ZFP64: variants seen among roughly 807,000 people sequenced by gnomAD.
ZFP64 encodes the protein zinc finger protein 64.
A neutral mutation model predicts 51.6 loss-of-function variants in ZFP64; 14 were observed. The observed-to-expected ratio is 0.27, with a 90% CI of 0.18 to 0.42. ZFP64 has a LOEUF of 0.42. Ranked by LOEUF, ZFP64 falls within the 10% of genes least tolerant of loss-of-function variation. The pLI, the probability that ZFP64 is intolerant of heterozygous loss-of-function variation, is 1.00. For missense variants in ZFP64, 754 were observed against 906.8 expected (o/e 0.83, Z 2.16); for synonymous variants, 375 against 361.4 (o/e 1.04, Z -0.43).
At chr20:52,104,393 T>G (rs542301916) in intron 5 of ZFP64, among the ~76,000 whole-genome samples, 1 of 152,176 alleles carries the variant, frequency 6.6e-6, no homozygotes, top group Non-Finnish European at 1.5e-5. Context: ...CTACATCCTG[T>G]GTCCACGTGG....
chr20:52,085,065 C>T lies in ZFP64; in HGVS notation c.1430G>A (p.Arg477Gln), dbSNP rs199769231. Residue 477 changes from arginine (R) to glutamine (Q), a missense_variant, in exon 9 of 9, where the codon CGG becomes CAG. Coordinates refer to the ZFP64 transcript ENST00000361387. This position sits in a 1 kb window ranked among gnomAD's most constrained non-coding sequence, Gnocchi z 4.3. ...GTGCTCCAGGAGGTCAGCCCGGTCC[C>T]GGCCCTGGAAGGCACAGTGCAGACA... 5.8e-5 allele frequency: 93 copies of T among 1,614,232 alleles called. No individual in the cohort carries two copies. The highest frequency in any genetic ancestry group is 6.9e-5 in the Non-Finnish European group (82 of 1,180,032).
At chr20:52,084,499 G>C in exon 9 of ZFP64, 19 of 1,521,008 alleles carry the variant, frequency 1.2e-5, no homozygotes, top group Non-Finnish European at 1.7e-5. Flanking sequence ...CACCTCTGGA[G>C]GGCTGGGCAA....
chr20:52,129,792 C>G (rs528668940), intron 5 of ZFP64, among the ~76,000 whole-genome samples: 43 of 152,186 alleles, frequency 2.8e-4, no homozygotes, highest in Non-Finnish European at 5.9e-4. Context: ...GCCTGTCTGC[C>G]TAACTAGACT....
chr20:52,118,041 T>A (rs1447478634), intron 5 of ZFP64, among the ~76,000 whole-genome samples: 1 of 152,008 alleles, frequency 6.6e-6, no homozygotes, highest in Non-Finnish European at 1.5e-5. Context: ...CAAGCAATCC[T>A]CCTGCCCAGA....
chr20:52,098,573 C>T (rs1384853414), exon 6 of ZFP64: 1 of 1,614,012 alleles, frequency 6.2e-7, no homozygotes, highest in African/African-American at 1.3e-5. Flanking sequence ...GGAACATCAT[C>T]ATCAAGTTCT....
chr20:52,153,862 C>T lies in ZFP64; in HGVS notation c.764-434G>A, dbSNP rs965096122. Among the ~76,000 whole-genome samples, 2 of 152,152 alleles carry T rather than the reference C, an allele frequency of 1.3e-5. No homozygotes were observed. The highest frequency in any genetic ancestry group is 2.9e-5 in the Non-Finnish European group (2 of 68,028). On this transcript the variant is annotated intron_variant, in intron 5 of 5. Transcript: ENST00000216923. This position sits in a 1 kb window ranked among gnomAD's most constrained non-coding sequence, Gnocchi z 5.1. ...TTCAACAATATATTTTCGAATGGGT[C>T]AGCTCCGTGCTGCACTCATTGGAGT...
At chr20:52,106,752 T>A (rs1437362581) in intron 5 of ZFP64, among the ~76,000 whole-genome samples, 4 of 152,206 alleles carry the variant, frequency 2.6e-5, no homozygotes, top group African/African-American at 9.6e-5. Context: ...ACGCTTCAAG[T>A]CTTCTTTGGG....
At chr20:52,093,713 GCTC>G (rs2078954358) in intron 7 of ZFP64, among the ~76,000 whole-genome samples, 1 of 152,182 alleles carries the variant, frequency 6.6e-6, no homozygotes, top group African/African-American at 2.4e-5. Context: ...CTAGCCACTA[GCTC>G]CTGACATTAA....
intron 7 of ZFP64, among the ~76,000 whole-genome samples, chr20:52,093,377 TGA>T (rs2078950189): frequency 6.6e-6 from 1 of 152,158 alleles, no homozygotes; most frequent in Non-Finnish European, 1.5e-5. Context: ...TGACCTCAGG[TGA>T]TCTGCCTGCC....
At chr20:52,134,425 T>C (rs541999465) in intron 5 of ZFP64, among the ~76,000 whole-genome samples, 1 of 152,302 alleles carries the variant, frequency 6.6e-6, no homozygotes, top group South Asian at 2.1e-4. Context: ...AGCAGGGGGT[T>C]ATTAAGATAT....
intron 2 of ZFP64, among the ~76,000 whole-genome samples, chr20:52,166,346 G>C (rs1982273111): frequency 6.6e-6 from 1 of 152,160 alleles, no homozygotes. Flanking sequence ...GTATATGCTG[G>C]AGTGATGATG....
At chr20:52,088,530 C>T (rs2078888617) in exon 8 of ZFP64, 1 of 1,614,060 alleles carries the variant, frequency 6.2e-7, no homozygotes, top group Non-Finnish European at 8.5e-7. Context: ...GCAGCGTAGT[C>T]ACACAGGTGA....
Position 52,191,106 on chromosome 20 carries a change from C to T in ZFP64, c.46+485G>A, listed in dbSNP as rs1431071231. Among the ~76,000 whole-genome samples, 1 of 152,170 alleles carries T rather than the reference C, an allele frequency of 6.6e-6. No individual in the cohort carries two copies. Among genetic ancestry groups the T allele is most frequent in the Non-Finnish European group, 1.5e-5 (1 of 68,028 alleles). On this transcript the variant is annotated intron_variant, in intron 1 of 5. Coordinates refer to ENST00000216923, the MANE Select transcript of ZFP64 (RefSeq NM_018197.3). The surrounding 1 kb of genome is among the most constrained non-coding windows in gnomAD (Gnocchi z 4.3). ...GCCCCGTTTTCCATTCAGATCTCCA[C>T]CCTTAATGAGGAAAAGGCTTTGCAA...
chr20:52,168,272 G>A (rs1290195296), intron 2 of ZFP64, among the ~76,000 whole-genome samples: 3 of 152,146 alleles, frequency 2.0e-5, no homozygotes, highest in Admixed American at 6.5e-5. Flanking sequence ...GAAAGATTCA[G>A]ACAAACTGAT....
At position 52,157,739 on chromosome 20, in the gene ZFP64, T is replaced by A. The variant is rs1461136753; in HGVS notation, c.763+2384A>T. ...AGAACGTGCAGGTTTGTTACACAGG[T>A]ACACACGTGCCATGGTGGTTTGCTG... On this transcript the variant is annotated intron_variant, in intron 5 of 5. Coordinates refer to ENST00000216923, the MANE Select transcript of ZFP64 (RefSeq NM_018197.3). Among the ~76,000 whole-genome samples the A allele has an allele frequency of 1.3e-5, 2 of 152,214 alleles. 1 individual carries two copies. Among genetic ancestry groups the A allele is most frequent in the East Asian group, 3.9e-4 (2 of 5,192 alleles).
intron 5 of ZFP64, among the ~76,000 whole-genome samples, chr20:52,142,364 T>TCACACA (rs1326395266): frequency 1.4e-5 from 1 of 73,858 alleles, no homozygotes; most frequent in Non-Finnish European, 2.8e-5. Context: ...TGAGACTTCA[T>TCACACA]CACACACACA....
At chr20:52,121,076 T>A (rs1826911014) in intron 5 of ZFP64, among the ~76,000 whole-genome samples, 1 of 152,204 alleles carries the variant, frequency 6.6e-6, no homozygotes, top group Non-Finnish European at 1.5e-5. Flanking sequence ...GTTGTGTGTG[T>A]TCTGACTGCT....
intron 5 of ZFP64, chr20:52,117,784 T>C: frequency 2.4e-6 from 1 of 419,550 alleles, no homozygotes; most frequent in Admixed American, 2.9e-5. Flanking sequence ...TAAATTACAT[T>C]TTATGATTAT....
At chr20:52,189,492 T>TG (rs1258900061) in intron 1 of ZFP64, among the ~76,000 whole-genome samples, 7 of 152,092 alleles carry the variant, frequency 4.6e-5, no homozygotes, top group African/African-American at 1.7e-4. Flanking sequence ...TTTTTTTTTT[T>TG]GAGATGGAGT....
Sources: allele counts gnomAD v4.1 joint callset (sites outside exome capture counted in the v4.1 genomes callset), GRCh38; gene constraint gnomAD v4.1.1; non-coding constraint Gnocchi (gnomAD v3.1); transcripts MANE v1.5; gene names NCBI Gene and HGNC (gene_info 2026-07-23, HGNC 2026-07-21).